Variants in NUBPL observed in about 807,000 individuals in gnomAD.
NUBPL encodes NUBP iron-sulfur cluster assembly factor, mitochondrial.
Under a neutral mutation model 45.7 loss-of-function variants are expected in NUBPL, and 31 were observed. The observed-to-expected ratio is 0.68, with a 90% CI of 0.51 to 0.92. NUBPL has a LOEUF of 0.92. Ranked by LOEUF, NUBPL falls within the 40% of genes least tolerant of loss-of-function variation. The pLI is 0.00. For synonymous variants in NUBPL, 144 were observed against 140.9 expected (o/e 1.02, Z -0.15); for missense variants, 401 against 398.7 (o/e 1.01, Z -0.05).
At chr14:31,729,133 T>C (rs1365899579) in intron 6 of NUBPL, among the ~76,000 whole-genome samples, 1 of 151,788 alleles carries the variant, frequency 6.6e-6, no homozygotes, top group Non-Finnish European at 1.5e-5. Flanking sequence ...ATACAAAAAT[T>C]AGCTGGGCGT....
At chr14:31,660,534 G>A (rs769084528) in intron 4 of NUBPL, among the ~76,000 whole-genome samples, 5 of 151,950 alleles carry the variant, frequency 3.3e-5, no homozygotes, top group Non-Finnish European at 5.9e-5. Flanking sequence ...TTCAAGATAC[G>A]AATACAGGTT....
chr14:31,627,236 A>T (rs1459918281), intron 4 of NUBPL, among the ~76,000 whole-genome samples: 1 of 152,224 alleles, frequency 6.6e-6, no homozygotes, highest in Non-Finnish European at 1.5e-5. Flanking sequence ...TTTTTAAAAA[A>T]AAACTTTCTC....
At chr14:31,755,941 T>G (rs532259980) in intron 6 of NUBPL, among the ~76,000 whole-genome samples, 2 of 152,048 alleles carry the variant, frequency 1.3e-5, no homozygotes, top group African/African-American at 4.8e-5. Context: ...CCCAGCACCA[T>G]TTATTAAATA....
intron 4 of NUBPL, among the ~76,000 whole-genome samples, chr14:31,640,791 C>G (rs1055539572): frequency 6.6e-6 from 1 of 151,930 alleles, no homozygotes; most frequent in Non-Finnish European, 1.5e-5. Flanking sequence ...GTGTAAAGAC[C>G]AAATCAGGGT....
At chr14:31,733,660 A>G (rs1424813580) in intron 6 of NUBPL, among the ~76,000 whole-genome samples, 2 of 152,186 alleles carry the variant, frequency 1.3e-5, no homozygotes, top group African/African-American at 4.8e-5. Flanking sequence ...TTCTGAAATC[A>G]CTTATTCTAG....
At chr14:31,697,587 T>A (rs1156467554) in intron 6 of NUBPL, among the ~76,000 whole-genome samples, 1 of 152,184 alleles carries the variant, frequency 6.6e-6, no homozygotes, top group East Asian at 1.9e-4. Flanking sequence ...GAAAAGGCTG[T>A]TAGGGCTTAA....
At chr14:31,848,938 AT>A (rs1174680063) in intron 9 of NUBPL, among the ~76,000 whole-genome samples, 5 of 152,276 alleles carry the variant, frequency 3.3e-5, no homozygotes, top group African/African-American at 1.2e-4. Flanking sequence ...ATTTCTAAGC[AT>A]TTTCTATAAC....
At chr14:31,705,148 G>A (rs1334144091) in intron 6 of NUBPL, among the ~76,000 whole-genome samples, 2 of 152,020 alleles carry the variant, frequency 1.3e-5, no homozygotes, top group Non-Finnish European at 2.9e-5. Context: ...AAGGTGGCGC[G>A]TCCGGAGTTG....
chr14:31,675,500 G>T (rs371034241), intron 6 of NUBPL, among the ~76,000 whole-genome samples: 30 of 152,248 alleles, frequency 2.0e-4, no homozygotes, highest in African/African-American at 7.0e-4. Flanking sequence ...TGATTCATTG[G>T]CTCATTTTAA....
At chr14:31,834,272 C>T (rs983939589) in intron 8 of NUBPL, among the ~76,000 whole-genome samples, 1 of 151,114 alleles carries the variant, frequency 6.6e-6, no homozygotes, top group Non-Finnish European at 1.5e-5. Flanking sequence ...CCTCCGCCTC[C>T]TGGGTTCAAG....
At chr14:31,772,988 T>A (rs1399846965) in intron 6 of NUBPL, among the ~76,000 whole-genome samples, 1 of 152,190 alleles carries the variant, frequency 6.6e-6, no homozygotes, top group African/African-American at 2.4e-5. Context: ...ATAACTTGAA[T>A]AATATGTTTT....
intron 6 of NUBPL, among the ~76,000 whole-genome samples, chr14:31,697,240 G>C (rs896461472): frequency 6.6e-6 from 1 of 152,166 alleles, no homozygotes; most frequent in Admixed American, 6.5e-5. Context: ...AGATAAAATG[G>C]CACAGTCTTA....
At chr14:31,642,961 C>T (rs540028910) in intron 4 of NUBPL, among the ~76,000 whole-genome samples, 1 of 152,042 alleles carries the variant, frequency 6.6e-6, no homozygotes, top group South Asian at 2.1e-4. Context: ...AGATTGTTTG[C>T]TGTTGGTGTA....
intron 6 of NUBPL, among the ~76,000 whole-genome samples, chr14:31,731,670 C>G (rs369865524): frequency 6.6e-6 from 1 of 152,310 alleles, no homozygotes; most frequent in African/African-American, 2.4e-5. Flanking sequence ...ACAGCTGAGG[C>G]TGAATTCCTG....
chr14:31,641,175 C>G (rs897725540), intron 4 of NUBPL, among the ~76,000 whole-genome samples: 2 of 152,170 alleles, frequency 1.3e-5, no homozygotes. Flanking sequence ...TGGTCTTGAT[C>G]TCTTGACCTT....
At chr14:31,647,564 G>A (rs1451855060) in intron 4 of NUBPL, among the ~76,000 whole-genome samples, 1 of 152,204 alleles carries the variant, frequency 6.6e-6, no homozygotes, top group Non-Finnish European at 1.5e-5. Context: ...GGGGACCTGT[G>A]TAACACACCT....
At position 31,750,169 on chromosome 14, in the gene NUBPL, A is replaced by T. The variant is rs543643651; in HGVS notation, c.514-37611A>T. On this transcript the variant is annotated intron_variant, in intron 6 of 10. Transcript: ENST00000281081. Reference sequence around the variant, plus strand: ...TATTTCAGTAAATTTTCTTACAATCATTATTATTATTTTTTTTTTTTTTGA... The same window carrying T: ...TATTTCAGTAAATTTTCTTACAATCTTTATTATTATTTTTTTTTTTTTTGA... Among the ~76,000 whole-genome samples the T allele has an allele frequency of 2.3e-3, 121 of 52,250 alleles. 1 individual carries two copies. Among genetic ancestry groups the T allele is most frequent in the Non-Finnish European group, 5.0e-3 (91 of 18,114 alleles). 34.3% of individuals were successfully genotyped at this position (52,250 alleles called of 152,430 possible).
chr14:31,693,184 T>C (rs1236751106), intron 6 of NUBPL, among the ~76,000 whole-genome samples: 2 of 152,158 alleles, frequency 1.3e-5, no homozygotes, highest in Non-Finnish European at 2.9e-5. Context: ...TTAAGGTGAA[T>C]TGTGAAACAA....
intron 4 of NUBPL, among the ~76,000 whole-genome samples, chr14:31,636,905 T>A (rs1369987256): frequency 6.6e-6 from 1 of 152,208 alleles, no homozygotes; most frequent in Non-Finnish European, 1.5e-5. Flanking sequence ...TCTCTGATGG[T>A]AGTTTGTATT....
Sources: gnomAD v4.1 joint callset for allele counts (sites outside exome capture counted in the v4.1 genomes callset) on GRCh38, gnomAD v4.1.1 for gene constraint, MANE v1.5 for transcripts, NCBI Gene and HGNC (gene_info 2026-07-23, HGNC 2026-07-21) for gene names.